PHKB: variants seen among roughly 807,000 people sequenced by gnomAD.
PHKB encodes the protein phosphorylase b kinase regulatory subunit beta.
Under a neutral mutation model 152.1 loss-of-function variants are expected in PHKB, and 122 were observed. The ratio of observed to expected loss-of-function variants is 0.80; its 90% CI spans 0.69 to 0.93. PHKB has a LOEUF of 0.93. Among genes scored for constraint, PHKB ranks in the 40% least tolerant of loss-of-function variants. PHKB has a pLI of 0.00. For synonymous variants in PHKB, 436 were observed against 464.9 expected, an observed-to-expected ratio of 0.94 and a Z score of 0.80; for missense variants, 1,304 against 1,328.4, an observed-to-expected ratio of 0.98 and a Z score of 0.29.
chr16:47,665,200 G>T, intron 25 of PHKB: 2 of 492,822 alleles, frequency 4.1e-6, no homozygotes, highest in Non-Finnish European at 7.3e-6. Flanking sequence ...CAGCTTCTGT[G>T]GATATCCTGA....
In PHKB at chr16:47,699,633, T is replaced by C; in HGVS notation, c.*267T>C. 1 of 478,858 alleles carries C rather than the reference T, an allele frequency of 2.1e-6. No individual in the cohort carries two copies. The highest frequency in any genetic ancestry group is 3.8e-6 in the Non-Finnish European group (1 of 261,808). The allele number at this position is 478,858 out of a possible 1,614,324, so 29.7% of individuals were successfully genotyped here. On this transcript the variant is annotated 3_prime_UTR_variant, in exon 31 of 31. Coordinates refer to ENST00000323584, the MANE Select transcript of PHKB (RefSeq NM_000293.3). ...CTGAGTGATAAAAATAGTTTATGAA[T>C]TGAAAATTTGCCGCTGCATGTTGTA...
At chr16:47,494,675 G>T (rs1488621264) in intron 1 of PHKB, among the ~76,000 whole-genome samples, 3 of 152,202 alleles carry the variant, frequency 2.0e-5, no homozygotes, top group African/African-American at 7.2e-5. Context: ...AATGGGAAAA[G>T]CATGGAAAAG....
In PHKB at chr16:47,642,224, G is replaced by A. The variant is rs77260377; in HGVS notation, c.1608+532G>A. ...TTTCCTTTTTTTCTCTTGCCTTACT[G>A]TTTGGTGTCTGAAGTAATTTCAACC... On this transcript the variant is annotated intron_variant, in intron 16 of 30. Coordinates refer to ENST00000323584, the MANE Select transcript of PHKB (RefSeq NM_000293.3). Among the ~76,000 whole-genome samples, 1,297 of 151,730 alleles carry A rather than the reference G, an allele frequency of 8.5e-3. 19 individuals carry two copies. Among genetic ancestry groups the A allele is most frequent in the African/African-American group, 0.029 (1,217 of 41,342 alleles).
chr16:47,610,232 A>G (rs1164902735), intron 13 of PHKB, among the ~76,000 whole-genome samples: 2 of 147,478 alleles, frequency 1.4e-5, no homozygotes, highest in Admixed American at 6.9e-5. Context: ...GCTGGTCTCA[A>G]ACTCCTGACC....
rs374044985 is a variant in PHKB, at chr16:47,581,211, C to A, written c.774+853C>A. Among the ~76,000 whole-genome samples the A allele has an allele frequency of 1.2e-4, 19 of 152,270 alleles. No homozygotes were observed. The South Asian group carries it at 3.9e-3, about 32-fold the overall frequency. On this transcript the variant is annotated intron_variant, in intron 8 of 30. Coordinates refer to ENST00000323584, the MANE Select transcript of PHKB (RefSeq NM_000293.3). ...CAATTATAATACTATCTACTCAAGTCTTGAATTTAAGAATGTTTTTAATTG... is the reference window on the plus strand; with the variant it reads ...CAATTATAATACTATCTACTCAAGTATTGAATTTAAGAATGTTTTTAATTG...
intron 1 of PHKB, among the ~76,000 whole-genome samples, chr16:47,472,776 C>T (rs1969794808): frequency 6.6e-6 from 1 of 150,380 alleles, no homozygotes; most frequent in Non-Finnish European, 1.5e-5. Flanking sequence ...GGCGAGACTC[C>T]ATCTCAAAAA....
At chr16:47,632,073 G>A (rs553988001) in intron 14 of PHKB, among the ~76,000 whole-genome samples, 1 of 152,194 alleles carries the variant, frequency 6.6e-6, no homozygotes, top group South Asian at 2.1e-4. Context: ...GCTTCTTTCT[G>A]TGTCACCCTC....
intron 7 of PHKB, among the ~76,000 whole-genome samples, chr16:47,564,674 G>A (rs1971534636): frequency 6.6e-6 from 1 of 152,072 alleles, no homozygotes; most frequent in African/African-American, 2.4e-5. Context: ...TCTTTGCCTA[G>A]GCCAATGTCC....
intron 13 of PHKB, among the ~76,000 whole-genome samples, chr16:47,606,957 C>T (rs889692861): frequency 6.6e-6 from 1 of 152,074 alleles, no homozygotes; most frequent in Non-Finnish European, 1.5e-5. Context: ...AAAGGGCTTC[C>T]ATTTTTATAG....
intron 7 of PHKB, among the ~76,000 whole-genome samples, chr16:47,573,318 C>T (rs2151688987): frequency 6.6e-6 from 1 of 152,302 alleles, no homozygotes; most frequent in Admixed American, 6.5e-5. Context: ...AGGCTAGGGG[C>T]ATAGCCTGTG....
rs13336222 is a variant in PHKB at position 47,515,625 on chromosome 16, T to C, written c.594+24T>C. The C allele has an allele frequency of 3.1e-3, 3,031 of 963,046 alleles. 75 individuals are homozygous for C. The African/African-American group carries it at 0.043, about 14-fold the overall frequency. The allele number at this position is 963,046 out of a possible 1,614,324, so 59.7% of individuals were successfully genotyped here. A position where few individuals can be genotyped will look rare whatever the true frequency, so the allele number is the denominator to read the frequency against. On this transcript the variant is annotated intron_variant, in intron 6 of 30. Transcript: ENST00000323584. ...AGGTATGCTTTCCCCAAATTTTCTATTACTAAATTTCACCTCTGAAAATAT... is the reference window on the plus strand; with the variant it reads ...AGGTATGCTTTCCCCAAATTTTCTACTACTAAATTTCACCTCTGAAAATAT...
At chr16:47,507,649 T>C (rs1370233216) in intron 4 of PHKB, among the ~76,000 whole-genome samples, 1 of 152,178 alleles carries the variant, frequency 6.6e-6, no homozygotes, top group East Asian at 1.9e-4. Flanking sequence ...TGAGCCACCA[T>C]GTCTGGCCCA....
In PHKB at chr16:47,591,491, A is replaced by G. The variant is rs1043182661; in HGVS notation, c.1069-2009A>G. On this transcript the variant is annotated intron_variant, in intron 10 of 30. Coordinates refer to ENST00000323584, the MANE Select transcript of PHKB (RefSeq NM_000293.3). ...TTTGCTGAGTCTTGTTTGTTGGAAC[A>G]TTCTCCATTGGCTGTGACCCCTTTC... Among the ~76,000 whole-genome samples, 3 of 152,194 alleles carry G rather than the reference A, an allele frequency of 2.0e-5. No homozygotes were observed. The East Asian group carries it at 5.8e-4, about 29-fold the overall frequency.
At chr16:47,515,999 C>G (rs534137853) in intron 6 of PHKB, among the ~76,000 whole-genome samples, 37 of 151,182 alleles carry the variant, frequency 2.4e-4, no homozygotes, top group Admixed American at 5.3e-4. Context: ...ATGATCTCAG[C>G]TCACTGCAAC....
At chr16:47,646,541 A>C (rs1019716319) in intron 16 of PHKB, among the ~76,000 whole-genome samples, 1 of 148,362 alleles carries the variant, frequency 6.7e-6, no homozygotes, top group Non-Finnish European at 1.5e-5. Context: ...AAAAAAAAAA[A>C]AAACATTAAA....
intron 10 of PHKB, among the ~76,000 whole-genome samples, chr16:47,589,653 A>G (rs1013048841): frequency 2.6e-5 from 4 of 152,258 alleles, no homozygotes; most frequent in Non-Finnish European, 5.9e-5. Context: ...TTCAAAACAC[A>G]TATACCACTA....
intron 7 of PHKB, among the ~76,000 whole-genome samples, chr16:47,550,921 G>C (rs575350479): frequency 6.6e-6 from 1 of 152,040 alleles, no homozygotes; most frequent in Non-Finnish European, 1.5e-5. Flanking sequence ...TCAGGGATTC[G>C]ACTTCTTCCT....
intron 5 of PHKB, among the ~76,000 whole-genome samples, chr16:47,514,052 C>G (rs148095097): frequency 6.6e-6 from 1 of 152,212 alleles, no homozygotes; most frequent in East Asian, 1.9e-4. Flanking sequence ...TAGGCAGCAA[C>G]CAGTCTTTCT....
chr16:47,575,398 A>T (rs1410809455), intron 7 of PHKB, among the ~76,000 whole-genome samples: 2 of 152,220 alleles, frequency 1.3e-5, no homozygotes. Context: ...GATAACCTGT[A>T]CTCATATGTT....
Sources: allele counts gnomAD v4.1 joint callset (sites outside exome capture counted in the v4.1 genomes callset), GRCh38; gene constraint gnomAD v4.1.1; transcripts MANE v1.5; gene names NCBI Gene and HGNC (gene_info 2026-07-23, HGNC 2026-07-21).